The following SLC60A2 variants were observed in gnomAD, a reference collection of about 807,000 sequenced individuals.
The protein encoded by SLC60A2 is solute carrier family 60 member 2.
the SLC60A2 span, among the ~76,000 whole-genome samples, chr6:111,277,427 A>T: frequency 6.6e-6 from 1 of 152,208 alleles, no homozygotes; most frequent in Non-Finnish European, 1.5e-5. Flanking sequence ...TTTGCAAGAG[A>T]TATTATTACA....
chr6:111,268,056 C>G, the SLC60A2 span: 1 of 152,148 alleles, frequency 6.6e-6, no homozygotes, highest in Admixed American at 6.5e-5. Flanking sequence ...AGATGATTTC[C>G]AAATTGGGAA....
chr6:111,278,470 A>G, the SLC60A2 span: 7 of 152,172 alleles, frequency 4.6e-5, no homozygotes, highest in Non-Finnish European at 7.3e-5. Flanking sequence ...GTCCCCACCC[A>G]AATCTCATCT....
chr6:111,265,307 T>G, the SLC60A2 span: 1 of 984,782 alleles, frequency 1.0e-6, no homozygotes, highest in South Asian at 4.7e-5. Context: ...GCTTCTTGCC[T>G]TTCTCCTCCT....
At chr6:111,269,471 A>C in the SLC60A2 span, 1 of 152,244 alleles carries the variant, frequency 6.6e-6, no homozygotes, top group Non-Finnish European at 1.5e-5. Context: ...AAGTGTTGAG[A>C]TTACAGGCAT....
At chr6:111,267,191 A>C in the SLC60A2 span, 1 of 1,407,724 alleles carries the variant, frequency 7.1e-7, no homozygotes, top group Non-Finnish European at 9.6e-7. Context: ...GCAGAGCATT[A>C]GCAGAATTTC....
chr6:111,264,365 G>A, the SLC60A2 span, among the ~76,000 whole-genome samples: 1 of 152,142 alleles, frequency 6.6e-6, no homozygotes, highest in Non-Finnish European at 1.5e-5. Flanking sequence ...AATCCAACTT[G>A]ACATTTACCC....
the SLC60A2 span, among the ~76,000 whole-genome samples, chr6:111,261,522 A>G: frequency 6.6e-6 from 1 of 152,030 alleles, no homozygotes; most frequent in Non-Finnish European, 1.5e-5. Context: ...GAGCTCAAGC[A>G]GTCCTACCAT....
the SLC60A2 span, among the ~76,000 whole-genome samples, chr6:111,279,664 A>G: frequency 2.6e-5 from 4 of 152,238 alleles, no homozygotes. Flanking sequence ...TTCCTAAAAC[A>G]AAAGCTCAGA....
chr6:111,261,718 C>G, the SLC60A2 span, among the ~76,000 whole-genome samples: 1 of 152,088 alleles, frequency 6.6e-6, no homozygotes, highest in Non-Finnish European at 1.5e-5. Context: ...CTCAGCCTCC[C>G]GAGTAGCTGG....
At chr6:111,261,437 G>T in the SLC60A2 span, among the ~76,000 whole-genome samples, 4 of 151,900 alleles carry the variant, frequency 2.6e-5, 1 homozygote, top group African/African-American at 9.7e-5. Context: ...ACAGGCATGC[G>T]CCACCACGCC....
chr6:111,266,331 A>T, the SLC60A2 span: 1 of 1,613,854 alleles, frequency 6.2e-7, no homozygotes, highest in Non-Finnish European at 8.5e-7. Flanking sequence ...CTCATTTGCA[A>T]CCACCCATGC....
chr6:111,264,067 G>A, the SLC60A2 span: 1 of 557,124 alleles, frequency 1.8e-6, no homozygotes, highest in Non-Finnish European at 3.2e-6. Context: ...TGAGTTGGTT[G>A]TGAGTCACTC....
the SLC60A2 span, chr6:111,266,242 A>G: frequency 6.2e-7 from 1 of 1,614,222 alleles, no homozygotes; most frequent in Non-Finnish European, 8.5e-7. Context: ...GCAAAATATC[A>G]CAACGCCCTT....
chr6:111,278,611 T>C, the SLC60A2 span: 24 of 152,322 alleles, frequency 1.6e-4, no homozygotes, highest in African/African-American at 5.5e-4. Flanking sequence ...GAGGGAGTTT[T>C]CCTGCACAAG....
chr6:111,265,991 T>G, the SLC60A2 span: 1 of 1,614,192 alleles, frequency 6.2e-7, no homozygotes. Flanking sequence ...CTAAACTGGC[T>G]TTGGGTCCGA....
the SLC60A2 span, chr6:111,259,601 G>A: frequency 7.4e-7 from 1 of 1,358,326 alleles, no homozygotes; most frequent in Non-Finnish European, 9.9e-7. Context: ...GGCTCCTGCA[G>A]GCGGAGGCCC....
At chr6:111,262,343 T>C in the SLC60A2 span, 2 of 1,614,238 alleles carry the variant, frequency 1.2e-6, no homozygotes, top group East Asian at 2.2e-5. Flanking sequence ...CTTTCATTTT[T>C]GTGGGTCGTG....
At chr6:111,275,487 G>A in the SLC60A2 span, among the ~76,000 whole-genome samples, 1 of 150,506 alleles carries the variant, frequency 6.6e-6, no homozygotes. Context: ...TTGGCTCACT[G>A]CAACCTCCAG....
At chr6:111,263,929 T>C in the SLC60A2 span, 13 of 1,591,716 alleles carry the variant, frequency 8.2e-6, no homozygotes, top group Admixed American at 8.4e-5. Context: ...GGTGTTTCAA[T>C]TGGCATTCTG....
Sources: gnomAD v4.1 joint callset for allele counts (sites outside exome capture counted in the v4.1 genomes callset) on GRCh38, gnomAD v4.1.1 for gene constraint, MANE v1.5 for transcripts, NCBI Gene and HGNC (gene_info 2026-07-23, HGNC 2026-07-21) for gene names.